The following HDAC8 variants were observed in gnomAD, a reference collection of about 807,000 sequenced individuals.
The protein encoded by HDAC8 is histone deacetylase 8, also known as histone deacetylase-like 1.
Under a neutral mutation model 32.2 loss-of-function variants are expected in HDAC8, and 1 was observed. The observed-to-expected ratio is 0.03, with a 90% CI of 0.01 to 0.15. The LOEUF is 0.15. HDAC8 is among the 10% of genes least tolerant of loss of function. HDAC8 has a pLI of 1.00. For synonymous variants in HDAC8, 108 were observed against 113.9 expected (o/e 0.95, Z 0.33); for missense variants, 117 against 300.0 (o/e 0.39, Z 4.51).
chrX:72,569,180 A>C (rs1227197058), intron 2 of HDAC8, among the ~76,000 whole-genome samples: 1 of 112,451 alleles, frequency 8.9e-6, no homozygotes, highest in African/African-American at 3.2e-5. Context: ...TATCAGACAG[A>C]CTTTACCCTG....
chrX:72,426,849 T>C (rs190135833), intron 9 of HDAC8, among the ~76,000 whole-genome samples: 88 of 109,936 alleles, frequency 8.0e-4, no homozygotes, highest in South Asian at 3.7e-3. Flanking sequence ...TTAGACTAAA[T>C]GAGGTAATGG....
intron 9 of HDAC8, among the ~76,000 whole-genome samples, chrX:72,413,809 C>A (rs184420141): frequency 2.2e-4 from 25 of 111,987 alleles, no homozygotes; most frequent in African/African-American, 8.1e-4. Flanking sequence ...GAGGCCTCAC[C>A]AGCCCTGTGG....
chrX:72,567,359 T>C (rs2051835647), intron 4 of HDAC8, among the ~76,000 whole-genome samples: 1 of 111,894 alleles, frequency 8.9e-6, no homozygotes, highest in Admixed American at 9.4e-5. Flanking sequence ...TTTTTAAAAA[T>C]CTGTTTGCCA....
intron 9 of HDAC8, among the ~76,000 whole-genome samples, chrX:72,390,950 T>G (rs2045596571): frequency 8.9e-6 from 1 of 112,301 alleles, no homozygotes; most frequent in Non-Finnish European, 1.9e-5. Flanking sequence ...CTTCTCTTCC[T>G]TAAAAAAACA....
chrX:72,489,060 C>T lies in HDAC8; in HGVS notation c.629-19G>A, dbSNP rs1556007593. 9.3e-7 allele frequency: 1 copy of T among 1,069,948 alleles called. No homozygotes were observed. The highest frequency in any genetic ancestry group is 1.3e-6 in the Non-Finnish European group (1 of 780,311). The allele number at this position is 1,069,948 out of a possible 1,213,427, so 88.2% of individuals were successfully genotyped here. On this transcript the variant is annotated intron_variant, in intron 6 of 10. Coordinates refer to ENST00000373573, the MANE Select transcript of HDAC8 (RefSeq NM_018486.3). Reference sequence around the variant, plus strand: ...CCTGTTCCTATAAAAGAGAAGAGCACTATGATCAGTTATTAGGAACATGAG... The same window carrying T: ...CCTGTTCCTATAAAAGAGAAGAGCATTATGATCAGTTATTAGGAACATGAG...
At chrX:72,424,314 G>A (rs1278204875) in intron 9 of HDAC8, among the ~76,000 whole-genome samples, 1 of 110,997 alleles carries the variant, frequency 9.0e-6, no homozygotes, top group Non-Finnish European at 1.9e-5. Context: ...CCTTCATAAT[G>A]TTGGGCAACC....
chrX:72,465,918 T>C (rs966725493), intron 7 of HDAC8, among the ~76,000 whole-genome samples: 5 of 111,399 alleles, frequency 4.5e-5, no homozygotes, highest in Middle Eastern at 4.6e-3. Flanking sequence ...CTGTTTTGTT[T>C]TGATTTCTCA....
chrX:72,502,510 G>T (rs1238949917), intron 4 of HDAC8, among the ~76,000 whole-genome samples: 1 of 111,235 alleles, frequency 9.0e-6, no homozygotes, highest in Non-Finnish European at 1.9e-5. Context: ...TAACTGTTGG[G>T]TACTGGGCTT....
chrX:72,479,482 G>A (rs1450582547), intron 7 of HDAC8, among the ~76,000 whole-genome samples: 3 of 112,078 alleles, frequency 2.7e-5, no homozygotes, highest in Non-Finnish European at 5.6e-5. Context: ...TTCAGAACAT[G>A]TTCTAGCATC....
chrX:72,524,047 A>G (rs1020522997), intron 4 of HDAC8, among the ~76,000 whole-genome samples: 16 of 112,225 alleles, frequency 1.4e-4, no homozygotes, highest in Non-Finnish European at 3.8e-5. Flanking sequence ...AGCTATACCC[A>G]TTCATTCCAA....
At chrX:72,498,610 T>C (rs1221946700) in intron 4 of HDAC8, among the ~76,000 whole-genome samples, 3 of 112,090 alleles carry the variant, frequency 2.7e-5, no homozygotes, top group African/African-American at 9.7e-5. Context: ...TACACATGTT[T>C]AAGAACTATT....
At chrX:72,382,961 GCTCCCATAGATCAAT>G (rs1291096563) in intron 9 of HDAC8, among the ~76,000 whole-genome samples, 1 of 112,043 alleles carries the variant, frequency 8.9e-6, no homozygotes, top group African/African-American at 3.2e-5. Flanking sequence ...CCCTAAAAAA[GCTCCCATAGATCAAT>G]CTTCTCAGCC....
intron 9 of HDAC8, among the ~76,000 whole-genome samples, chrX:72,401,724 C>A (rs1485409212): frequency 8.9e-6 from 1 of 112,304 alleles, no homozygotes. Context: ...TGGGTCATCT[C>A]TCTTTTGAGT....
intron 9 of HDAC8, among the ~76,000 whole-genome samples, chrX:72,403,498 ATAAT>A (rs782400941): frequency 3.6e-5 from 4 of 112,064 alleles, no homozygotes; most frequent in Non-Finnish European, 7.5e-5. Context: ...ATACATTGTT[ATAAT>A]TGTTATTTTA....
intron 9 of HDAC8, among the ~76,000 whole-genome samples, chrX:72,377,538 T>C (rs782242574): frequency 3.8e-4 from 43 of 112,020 alleles, no homozygotes; most frequent in Admixed American, 6.7e-4. Flanking sequence ...ATTTCTCTTT[T>C]TCACTTCTTT....
At chrX:72,395,601 C>T (rs2045739376) in intron 9 of HDAC8, among the ~76,000 whole-genome samples, 1 of 112,090 alleles carries the variant, frequency 8.9e-6, no homozygotes, top group African/African-American at 3.2e-5. Context: ...GTGAGGAAAA[C>T]TTGACAAGGA....
intron 9 of HDAC8, among the ~76,000 whole-genome samples, chrX:72,427,584 C>G (rs2046679932): frequency 1.7e-5 from 1 of 57,911 alleles, no homozygotes; most frequent in South Asian, 1.6e-3. Context: ...ACATCACACT[C>G]TGGGGCCTGT....
chrX:72,464,058 T>G (rs2047940793), intron 8 of HDAC8, among the ~76,000 whole-genome samples: 1 of 111,886 alleles, frequency 8.9e-6, no homozygotes, highest in Non-Finnish European at 1.9e-5. Flanking sequence ...AGACTATAGA[T>G]CTCTCAATTT....
chrX:72,500,067 A>G (rs2049157627), intron 4 of HDAC8, among the ~76,000 whole-genome samples: 1 of 111,326 alleles, frequency 9.0e-6, no homozygotes, highest in Non-Finnish European at 1.9e-5. Context: ...CACCCTCCTA[A>G]GACTGAACCA....
Sources: allele counts gnomAD v4.1 joint callset (sites outside exome capture counted in the v4.1 genomes callset), GRCh38; gene constraint gnomAD v4.1.1; transcripts MANE v1.5; gene names NCBI Gene and HGNC (gene_info 2026-07-23, HGNC 2026-07-21).